Variants in EBF1 observed in about 807,000 individuals in gnomAD.
The protein encoded by EBF1 is EBF transcription factor 1.
EBF1 carries 10 observed loss-of-function variants against 68.4 expected under a neutral mutation model. That is an observed-to-expected ratio of 0.15 (90% CI 0.09 to 0.25). The LOEUF is 0.25. EBF1 is among the 10% of genes least tolerant of loss of function. EBF1 has a pLI of 1.00. For missense variants in EBF1, 509 were observed against 794.4 expected, an observed-to-expected ratio of 0.64 and a Z score of 4.32; for synonymous variants, 298 against 299.8, an observed-to-expected ratio of 0.99 and a Z score of 0.06.
intron 10 of EBF1, among the ~76,000 whole-genome samples, chr5:158,735,143 A>G (rs1345106075): frequency 6.6e-6 from 1 of 152,186 alleles, no homozygotes; most frequent in Non-Finnish European, 1.5e-5. Context: ...GCCCTTTAAA[A>G]CAAACTTTCC....
At chr5:158,940,754 CACCCCACCG>C (rs1813080627) in intron 6 of EBF1, among the ~76,000 whole-genome samples, 8 of 33,690 alleles carry the variant, frequency 2.4e-4, no homozygotes, top group Non-Finnish European at 4.7e-4. Flanking sequence ...GCACCCCCTT[CACCCCACCG>C]CCCCCCCCCC....
intron 6 of EBF1, among the ~76,000 whole-genome samples, chr5:159,058,089 G>A (rs79468940): frequency 2.6e-4 from 40 of 152,340 alleles, no homozygotes; most frequent in Non-Finnish European, 5.3e-4. Context: ...GCATCAGCCA[G>A]AATTGGGTGG....
At chr5:158,770,488 G>T (rs1453639981) in intron 10 of EBF1, among the ~76,000 whole-genome samples, 3 of 152,064 alleles carry the variant, frequency 2.0e-5, no homozygotes, top group African/African-American at 7.2e-5. Context: ...ACTGTCCATT[G>T]TTCTTAAGAT....
intron 6 of EBF1, among the ~76,000 whole-genome samples, chr5:159,035,149 G>C (rs543475879): frequency 6.6e-6 from 1 of 152,036 alleles, no homozygotes; most frequent in South Asian, 2.1e-4. Flanking sequence ...GAGAGAGAAC[G>C]AGAACCAAGG....
chr5:158,698,834 G>T lies in EBF1; in HGVS notation c.*277C>A. The stretch of plus-strand genomic sequence containing the variant: ...CAGAATTAAGCTTAAAAAAAAAAAA[G>T]AAAAAGAAAAAGTGGATTTGCTTTT... On this transcript the variant is annotated 3_prime_UTR_variant, in exon 16 of 16. Transcript: ENST00000313708. The T allele has an allele frequency of 1.6e-5, 5 of 308,306 alleles. No homozygotes were observed. The highest frequency in any genetic ancestry group is 4.7e-5 in the East Asian group (1 of 21,334). The allele number at this position is 308,306 out of a possible 1,614,324, so 19.1% of individuals were successfully genotyped here. A position where few individuals can be genotyped will look rare whatever the true frequency, so the allele number is the denominator to read the frequency against.
intron 6 of EBF1, among the ~76,000 whole-genome samples, chr5:158,905,797 C>T (rs1804457292): frequency 6.6e-6 from 1 of 152,156 alleles, no homozygotes; most frequent in Non-Finnish European, 1.5e-5. Flanking sequence ...AGTGACACCA[C>T]TCTGTTCTGC....
At position 158,770,875 on chromosome 5, in the gene EBF1, A is replaced by G. The variant is rs556057222; in HGVS notation, c.1036+6538T>C. The stretch of plus-strand genomic sequence containing the variant: ...CTTTCTGGACACGTACCAGGTTTGA[A>G]ATAGTAAACTTATGAACACCCATTT... On this transcript the variant is annotated intron_variant, in intron 10 of 15. Transcript: ENST00000313708. 5.3e-5 allele frequency among the ~76,000 whole-genome samples: 8 copies of G among 152,278 alleles called. No homozygotes were observed. In the East Asian group the frequency reaches 1.5e-3, roughly 29 times the overall value.
At chr5:158,966,114 AG>A (rs1754054623) in intron 6 of EBF1, among the ~76,000 whole-genome samples, 1 of 152,210 alleles carries the variant, frequency 6.6e-6, no homozygotes. Context: ...TATTTCTAGA[AG>A]AAGTAACATT....
chr5:158,846,906 G>C (rs535378948), intron 6 of EBF1, among the ~76,000 whole-genome samples: 1 of 152,294 alleles, frequency 6.6e-6, no homozygotes, highest in East Asian at 1.9e-4. Flanking sequence ...GGGGTGGGCA[G>C]AAAGGGGAGG....
chr5:158,949,665 G>A (rs1815571960), intron 6 of EBF1, among the ~76,000 whole-genome samples: 1 of 152,124 alleles, frequency 6.6e-6, no homozygotes, highest in African/African-American at 2.4e-5. Flanking sequence ...GTGGTACTTT[G>A]GTTTAGATGT....
chr5:158,992,140 T>C (rs1032487456), intron 6 of EBF1, among the ~76,000 whole-genome samples: 6 of 152,064 alleles, frequency 3.9e-5, no homozygotes, highest in African/African-American at 1.5e-4. Context: ...TTGGGGAACG[T>C]TTAAACCATG....
At chr5:159,018,130 C>G (rs1765967820) in intron 6 of EBF1, among the ~76,000 whole-genome samples, 1 of 152,122 alleles carries the variant, frequency 6.6e-6, no homozygotes, top group Non-Finnish European at 1.5e-5. Context: ...CACCACTTCT[C>G]CCCACTAACT....
chr5:158,727,467 T>C (rs1286800279), intron 11 of EBF1, among the ~76,000 whole-genome samples: 3 of 152,162 alleles, frequency 2.0e-5, no homozygotes, highest in Admixed American at 1.3e-4. Flanking sequence ...CTCTAAATTA[T>C]AAGAAAAGTC....
intron 6 of EBF1, among the ~76,000 whole-genome samples, chr5:159,038,754 T>C (rs1258528157): frequency 6.6e-6 from 1 of 152,142 alleles, no homozygotes; most frequent in African/African-American, 2.4e-5. Context: ...TTCCCCTTGA[T>C]CTAGTGTCTG....
chr5:159,028,416 G>A (rs558796265), intron 6 of EBF1, among the ~76,000 whole-genome samples: 1 of 152,308 alleles, frequency 6.6e-6, no homozygotes, highest in South Asian at 2.1e-4. Flanking sequence ...TAGAGGAGGA[G>A]ATTGCAGAAG....
chr5:159,096,355 G>A lies in EBF1; in HGVS notation c.343C>T (p.Leu115Phe). ...ACCCGGGCCTCACCATTGCTGTAGA[G>A]AAGCTGAAGCCGGTAGTGAATTCCG... ...NNGIHYRLQL[L>F]YSNGIRTEQD... Residue 115 changes from leucine to phenylalanine, a missense_variant, in exon 3 of 16, where the codon CTC (leucine) becomes TTC (phenylalanine). Leu to Phe is a conservative substitution (Grantham distance 22). Transcript: ENST00000313708. 6.2e-7 allele frequency: 1 copy of A among 1,613,650 alleles called. No individual in the cohort carries two copies. The highest frequency in any genetic ancestry group is 2.2e-5 in the East Asian group (1 of 44,882).
chr5:158,918,437 G>A (rs890077186), intron 6 of EBF1, among the ~76,000 whole-genome samples: 1 of 152,182 alleles, frequency 6.6e-6, no homozygotes, highest in East Asian at 1.9e-4. Flanking sequence ...TAGTTTCTTA[G>A]GTGATTTCTC....
At chr5:159,055,418 T>C (rs1400757193) in intron 6 of EBF1, among the ~76,000 whole-genome samples, 1 of 152,300 alleles carries the variant, frequency 6.6e-6, no homozygotes, top group Middle Eastern at 3.4e-3. Context: ...GCAGGGGCAG[T>C]ACTCAAAACC....
intron 6 of EBF1, among the ~76,000 whole-genome samples, chr5:158,865,931 T>C (rs1295211685): frequency 2.0e-5 from 3 of 152,208 alleles, no homozygotes; most frequent in Non-Finnish European, 2.9e-5. Context: ...GCAAATACGT[T>C]AGTCCTCAAT....
Sources: allele counts gnomAD v4.1 joint callset (sites outside exome capture counted in the v4.1 genomes callset), GRCh38; gene constraint gnomAD v4.1.1; transcripts MANE v1.5; gene names NCBI Gene and HGNC (gene_info 2026-07-23, HGNC 2026-07-21).